LRRD1: variants seen among roughly 807,000 people sequenced by gnomAD.
LRRD1 encodes the protein leucine rich repeats and death domain containing 1, also known as leucine-rich repeat and death domain-containing protein 1.
A neutral mutation model predicts 69.5 loss-of-function variants in LRRD1; 49 were observed. The observed-to-expected ratio is 0.70, with a 90% CI of 0.56 to 0.89. The LOEUF (loss-of-function observed/expected upper bound fraction) is 0.89. Among genes scored for constraint, LRRD1 ranks in the 40% least tolerant of loss-of-function variants. The pLI is 0.00. For missense variants in LRRD1, 853 were observed against 956.0 expected, an observed-to-expected ratio of 0.89 and a Z score of 1.42; for synonymous variants, 303 against 338.9, an observed-to-expected ratio of 0.89 and a Z score of 1.16.
rs1788851964 is a variant in LRRD1 at position 92,164,184 on chromosome 7, A to G, written c.1019T>C (p.Phe340Ser). The change falls in exon 2 of 6, where the codon TTT (phenylalanine) becomes TCT (serine). Residue 340 changes from phenylalanine to serine, a missense_variant. This residue lies in a region of LRRD1 where 739 missense variants were observed against 808.0 expected (regional missense o/e 0.91). Transcript: ENST00000458448. ...TLLMDHNKLT[F>S]LAVEIFQLLK... Reference sequence around the variant, plus strand: ...TAACTGAAAAATTTCTACAGCCAGAAAGGTAAGCTTATTGTGATCCATTAA... The same window carrying G: ...TAACTGAAAAATTTCTACAGCCAGAGAGGTAAGCTTATTGTGATCCATTAA... 2 of 1,548,212 alleles carry G rather than the reference A, an allele frequency of 1.3e-6. No homozygotes were observed. Among genetic ancestry groups the G allele is most frequent in the East Asian group, 2.5e-5 (1 of 40,786 alleles).
At chr7:92,172,711 C>T (rs754298258) in intron 1 of LRRD1, among the ~76,000 whole-genome samples, 1 of 152,064 alleles carries the variant, frequency 6.6e-6, no homozygotes, top group Non-Finnish European at 1.5e-5. Flanking sequence ...AATGGAAAGA[C>T]ATTCTATGTT....
intron 1 of LRRD1, among the ~76,000 whole-genome samples, chr7:92,175,700 G>A (rs1789180044): frequency 6.6e-6 from 1 of 152,112 alleles, no homozygotes; most frequent in African/African-American, 2.4e-5. Context: ...TTACAAAGGT[G>A]TAGCCAGAGT....
Position 92,164,353 on chromosome 7 carries a change from C to G in LRRD1, c.850G>C (p.Val284Leu), listed in dbSNP as rs1319638542. The G allele has an allele frequency of 6.5e-7, 1 of 1,549,532 alleles. No individual in the cohort carries two copies. The highest frequency in any genetic ancestry group is 1.7e-4 in the Middle Eastern group (1 of 5,980). The change falls in exon 2 of 6, where the codon GTT (valine) becomes CTT (leucine). Residue 284 changes from valine (V) to leucine (L), a missense_variant. Physicochemically the swap from Val to Leu is conservative, Grantham distance 32 (BLOSUM62 1). This residue lies in a region of LRRD1 where 739 missense variants were observed against 808.0 expected (regional missense o/e 0.91). Coordinates refer to ENST00000458448, the MANE Select transcript of LRRD1 (RefSeq NM_001161528.2). Reference protein sequence around the residue: ...DTLPSLKTLRVLNLEYNQLTT... With the variant: ...DTLPSLKTLRLLNLEYNQLTT... Reference sequence around the variant, plus strand: ...AACTGATTATATTCCAAATTGAGAACCCTCAAGGTTTTTAAACTAGGCAGA... The same window carrying G: ...AACTGATTATATTCCAAATTGAGAAGCCTCAAGGTTTTTAAACTAGGCAGA...
Position 92,155,622 on chromosome 7 carries a change from A to T in LRRD1, c.2116+3383T>A, listed in dbSNP as rs552690790. On this transcript the variant is annotated intron_variant, in intron 3 of 5. Coordinates refer to ENST00000458448, the MANE Select transcript of LRRD1 (RefSeq NM_001161528.2). The stretch of plus-strand genomic sequence containing the variant: ...CTAATAGGATAGATATATATATATA[A>T]AAGGGAGTTTATTAAGGAGTATTGA... Among the ~76,000 whole-genome samples, 15 of 152,160 alleles carry T rather than the reference A, an allele frequency of 9.9e-5. 1 individual carries two copies. The South Asian group carries it at 1.7e-3, about 17-fold the overall frequency.
chr7:92,164,218 C>A lies in LRRD1; in HGVS notation c.985G>T (p.Glu329Ter), dbSNP rs200099667. The change falls in exon 2 of 6, where the codon GAA (glutamate) becomes TAA (stop). Residue 329 changes from glutamate (E) to a stop codon, truncating the protein, a stop_gained. Transcript: ENST00000458448. LOFTEE classifies it high-confidence loss of function. ...TTATTGTGATCCATTAAAAGTGTTTCTAAATTTTTAAGCTCTCTAATTTCT... is the reference window on the plus strand; with the variant it reads ...TTATTGTGATCCATTAAAAGTGTTTATAAATTTTTAAGCTCTCTAATTTCT... The part of the protein sequence containing the change: ...PKEIRELKNL[E>*]TLLMDHNKLT... 7.4e-4 allele frequency: 1,148 copies of A among 1,549,242 alleles called. 1 individual carries two copies. The highest frequency in any genetic ancestry group is 9.2e-4 in the Non-Finnish European group (1,058 of 1,146,344).
At chr7:92,170,098 A>AAG (rs759446126) in intron 1 of LRRD1, among the ~76,000 whole-genome samples, 4 of 150,442 alleles carry the variant, frequency 2.7e-5, no homozygotes, top group Non-Finnish European at 5.9e-5. Context: ...GAAATAAAGA[A>AAG]AGAGAGAGAG....
chr7:92,170,801 A>C (rs1373427889), intron 1 of LRRD1, among the ~76,000 whole-genome samples: 1 of 152,198 alleles, frequency 6.6e-6, no homozygotes. Context: ...CTTAGGACAC[A>C]AAACTGGTCT....
chr7:92,144,665 TG>T (rs1321430782), downstream of LRRD1, among the ~76,000 whole-genome samples: 15 of 147,002 alleles, frequency 1.0e-4, no homozygotes, highest in African/African-American at 3.5e-4. Context: ...TATTTTCAAA[TG>T]CAACATCACT....
chr7:92,171,738 T>G (rs1299901849), intron 1 of LRRD1, among the ~76,000 whole-genome samples: 1 of 152,136 alleles, frequency 6.6e-6, no homozygotes, highest in African/African-American at 2.4e-5. Flanking sequence ...GGCTAATATC[T>G]CTGATGAACA....
intron 1 of LRRD1, among the ~76,000 whole-genome samples, chr7:92,170,505 A>C (rs1789032796): frequency 6.6e-6 from 1 of 152,222 alleles, no homozygotes; most frequent in Non-Finnish European, 1.5e-5. Context: ...GGCGCAAATA[A>C]CATATAAAGG....
chr7:92,161,040 G>A (rs1474715552), intron 2 of LRRD1, among the ~76,000 whole-genome samples: 2 of 152,150 alleles, frequency 1.3e-5, no homozygotes, highest in African/African-American at 4.8e-5. Context: ...AGATAGGTGG[G>A]TTCAGTTTTA....
At chr7:92,149,979 A>G in intron 4 of LRRD1, 1 of 445,362 alleles carries the variant, frequency 2.2e-6, no homozygotes, top group East Asian at 7.0e-5. Context: ...TCAATAGGGT[A>G]GGAAACAGCC....
chr7:92,174,510 T>TATATATGTATATATA (rs1491100533), intron 1 of LRRD1, among the ~76,000 whole-genome samples: 17 of 12,598 alleles, frequency 1.3e-3, no homozygotes, highest in Non-Finnish European at 1.5e-3. Context: ...TATATATATA[T>TATATATGTATATATA]TTTTTTTTTT....
At chr7:92,169,276 A>C (rs1313671833) in intron 1 of LRRD1, among the ~76,000 whole-genome samples, 1 of 152,156 alleles carries the variant, frequency 6.6e-6, no homozygotes, top group Non-Finnish European at 1.5e-5. Context: ...CAGTGATCTC[A>C]AAAATAACAC....
At chr7:92,176,703 ACAGGTGCATGCCACTAT>A (rs1789206286) in intron 1 of LRRD1, among the ~76,000 whole-genome samples, 1 of 151,928 alleles carries the variant, frequency 6.6e-6, no homozygotes, top group South Asian at 2.1e-4. Context: ...AGCTGGGACT[ACAGGTGCATGCCACTAT>A]GCTGGGCTAA....
chr7:92,149,833 A>G, intron 4 of LRRD1: 1 of 438,216 alleles, frequency 2.3e-6, no homozygotes, highest in Non-Finnish European at 4.6e-6. Context: ...GATTACAGGC[A>G]TGAGCCACCA....
chr7:92,155,265 C>G (rs1419269253), intron 3 of LRRD1, among the ~76,000 whole-genome samples: 1 of 152,190 alleles, frequency 6.6e-6, no homozygotes, highest in Non-Finnish European at 1.5e-5. Context: ...GACAGTGGAT[C>G]TGATAACTGA....
chr7:92,151,774 C>T (rs368808376), intron 3 of LRRD1, among the ~76,000 whole-genome samples: 4 of 152,078 alleles, frequency 2.6e-5, no homozygotes, highest in African/African-American at 9.6e-5. Context: ...CATGGCAAAA[C>T]CCCATCTCTA....
Position 92,144,856 on chromosome 7 carries a change from A to C in LRRD1, c.*32T>G, listed in dbSNP as rs551051256. 1.0e-5 allele frequency: 14 copies of C among 1,357,732 alleles called. No homozygotes were observed. The highest frequency in any genetic ancestry group is 1.3e-5 in the Non-Finnish European group (13 of 1,014,080). The allele number at this position is 1,357,732 out of a possible 1,614,324, so 84.1% of individuals were successfully genotyped here. A position where few individuals can be genotyped will look rare whatever the true frequency, so the allele number is the denominator to read the frequency against. On this transcript the variant is annotated 3_prime_UTR_variant, in exon 6 of 6. Coordinates refer to ENST00000458448, the MANE Select transcript of LRRD1 (RefSeq NM_001161528.2). ...CACAGTTTCAATTATAAGTGCATCAAAAGTTTTCAGTTTTTATTATTGATC... is the reference window on the plus strand; with the variant it reads ...CACAGTTTCAATTATAAGTGCATCACAAGTTTTCAGTTTTTATTATTGATC...
Sources: gnomAD v4.1 joint callset for allele counts (sites outside exome capture counted in the v4.1 genomes callset) on GRCh38, gnomAD v4.1.1 for gene constraint, gnomAD v4.1.1 regional missense constraint, MANE v1.5 for transcripts, NCBI Gene and HGNC (gene_info 2026-07-23, HGNC 2026-07-21) for gene names.